The following ZNF536 variants were observed in gnomAD, a reference collection of about 807,000 sequenced individuals.
ZNF536 encodes the protein zinc finger protein 536.
Under a neutral mutation model 84.5 loss-of-function variants are expected in ZNF536, and 13 were observed. That is an observed-to-expected ratio of 0.15 (90% CI 0.10 to 0.24). ZNF536 has a LOEUF of 0.24. Among genes scored for constraint, ZNF536 ranks in the 10% least tolerant of loss-of-function variants. ZNF536 has a pLI of 1.00. For synonymous variants in ZNF536, 811 were observed against 742.5 expected (o/e 1.09, Z -1.50); for missense variants, 1,536 against 1,747.5 (o/e 0.88, Z 2.16).
At chr19:30,348,423 A>G (rs1216201935) in intron 2 of ZNF536, among the ~76,000 whole-genome samples, 1 of 152,124 alleles carries the variant, frequency 6.6e-6, no homozygotes, top group African/African-American at 2.4e-5. Context: ...CCGTGACTGT[A>G]GAATTCAAAT....
intron 1 of ZNF536, among the ~76,000 whole-genome samples, chr19:30,616,286 A>C (rs1405586752): frequency 6.6e-6 from 1 of 152,220 alleles, no homozygotes; most frequent in African/African-American, 2.4e-5. Flanking sequence ...GCATTTCAGC[A>C]TCGAGCATCT....
chr19:30,499,148 T>A (rs1036394474), intron 2 of ZNF536, among the ~76,000 whole-genome samples: 2 of 152,076 alleles, frequency 1.3e-5, no homozygotes, highest in African/African-American at 4.8e-5. Flanking sequence ...AGACCACCTC[T>A]TTTTCCAGAA....
chr19:30,266,260 G>A (rs578242823), intron 1 of ZNF536, among the ~76,000 whole-genome samples: 140 of 152,190 alleles, frequency 9.2e-4, no homozygotes, highest in African/African-American at 3.3e-3. Context: ...TTGTTGCCCA[G>A]GTTGGTCTCA....
rs2052266792 is a variant in ZNF536 at position 30,445,254 on chromosome 19, G to A, written c.1692G>A (p.Arg564=). ...GGGTTCTGTTTGATAAGGAGAAGCG[G>A]GAGTACGTGTTAGTGGGAGCAGATG... ...NAGVLFDKEK[R]EYVLVGADGS... The change falls in exon 2 of 5, where the codon CGG becomes CGA. Residue 564 remains arginine, a synonymous_variant. Coordinates refer to ENST00000355537, the MANE Select transcript of ZNF536 (RefSeq NM_014717.3). This position sits in a 1 kb window ranked among gnomAD's most constrained non-coding sequence, Gnocchi z 4.5. 4 of 1,614,066 alleles carry A rather than the reference G, an allele frequency of 2.5e-6. No homozygotes were observed. Among genetic ancestry groups the A allele is most frequent in the Non-Finnish European group, 3.4e-6 (4 of 1,180,058 alleles).
At chr19:30,606,891 C>T (rs915812922) in intron 1 of ZNF536, among the ~76,000 whole-genome samples, 26 of 151,994 alleles carry the variant, frequency 1.7e-4, no homozygotes, top group African/African-American at 5.8e-4. Context: ...TGTCAATCCT[C>T]GAATCATGGA....
intron 3 of ZNF536, among the ~76,000 whole-genome samples, chr19:30,356,949 T>TCC (rs1351435773): frequency 6.6e-6 from 1 of 152,188 alleles, no homozygotes; most frequent in African/African-American, 2.4e-5. Context: ...AACCTGGTGG[T>TCC]TCGAGCATGG....
intron 2 of ZNF536, among the ~76,000 whole-genome samples, chr19:30,453,358 A>G (rs908864326): frequency 6.6e-6 from 1 of 152,110 alleles, no homozygotes; most frequent in African/African-American, 2.4e-5. Context: ...CCCTCGGTTC[A>G]TCCTCGAGCC....
chr19:30,247,703 C>G (rs1293019765), intron 1 of ZNF536, among the ~76,000 whole-genome samples: 2 of 152,098 alleles, frequency 1.3e-5, no homozygotes, highest in African/African-American at 4.8e-5. Context: ...GTGGTATACA[C>G]CTTTAGTCCC....
intron 2 of ZNF536, among the ~76,000 whole-genome samples, chr19:30,292,375 GC>G (rs1256241986): frequency 3.6e-5 from 5 of 137,270 alleles, no homozygotes; most frequent in Non-Finnish European, 7.8e-5. Flanking sequence ...TTTCACTGTT[GC>G]CCAGGCTTGA....
chr19:30,406,563 A>G (rs1316743783), intron 1 of ZNF536, among the ~76,000 whole-genome samples: 1 of 152,184 alleles, frequency 6.6e-6, no homozygotes, highest in Non-Finnish European at 1.5e-5. Context: ...AGCTCCAAGC[A>G]TTGAGGAAAC....
chr19:30,446,491 C>T (rs914987175), intron 2 of ZNF536, among the ~76,000 whole-genome samples: 2 of 151,950 alleles, frequency 1.3e-5, no homozygotes, highest in African/African-American at 4.8e-5. Flanking sequence ...TCTTTCTCTC[C>T]CCCTTAGCGT....
downstream of ZNF536, among the ~76,000 whole-genome samples, chr19:30,562,357 G>A (rs1339310650): frequency 6.6e-6 from 1 of 152,166 alleles, no homozygotes; most frequent in Admixed American, 6.5e-5. Context: ...TGCCATTCCA[G>A]TGCACGGGCA....
intron 1 of ZNF536, among the ~76,000 whole-genome samples, chr19:30,269,406 C>T (rs149006806): frequency 1.7e-3 from 257 of 152,090 alleles, no homozygotes; most frequent in African/African-American, 4.4e-3. Context: ...GGGAGAGTTA[C>T]GTACAGGCAG....
chr19:30,255,801 T>C (rs2024885841), intron 1 of ZNF536, among the ~76,000 whole-genome samples: 1 of 152,228 alleles, frequency 6.6e-6, no homozygotes, highest in Admixed American at 6.5e-5. Context: ...TTCGTCTGCA[T>C]AGACCCCGTC....
chr19:30,424,628 A>AAC (rs2051132732), intron 1 of ZNF536, among the ~76,000 whole-genome samples: 1 of 152,130 alleles, frequency 6.6e-6, no homozygotes, highest in African/African-American at 2.4e-5. Context: ...ATGCAAAAAA[A>AAC]AATAATAGGG....
At chr19:30,408,567 T>C (rs759816212) in intron 1 of ZNF536, among the ~76,000 whole-genome samples, 12 of 152,302 alleles carry the variant, frequency 7.9e-5, no homozygotes, top group African/African-American at 2.9e-4. Flanking sequence ...TCTCTGCCAA[T>C]TTCAGCAGCT....
intron 2 of ZNF536, among the ~76,000 whole-genome samples, chr19:30,514,480 G>T (rs1035368016): frequency 1.3e-5 from 2 of 151,978 alleles, no homozygotes; most frequent in African/African-American, 4.8e-5. Context: ...GATGAGAAAT[G>T]GTGTGACTGT....
intron 2 of ZNF536, among the ~76,000 whole-genome samples, chr19:30,490,003 A>C (rs2054446391): frequency 6.6e-6 from 1 of 152,354 alleles, no homozygotes; most frequent in South Asian, 2.1e-4. Context: ...ACCAGGGCCA[A>C]GCATGTGCTT....
At chr19:30,359,355 T>C (rs776780006) in intron 3 of ZNF536, among the ~76,000 whole-genome samples, 28 of 152,106 alleles carry the variant, frequency 1.8e-4, no homozygotes, top group Non-Finnish European at 3.7e-4. Flanking sequence ...GTCTGGAGTG[T>C]ATGAGGTGCA....
Sources: allele counts gnomAD v4.1 joint callset (sites outside exome capture counted in the v4.1 genomes callset), GRCh38; gene constraint gnomAD v4.1.1; non-coding constraint Gnocchi (gnomAD v3.1); transcripts MANE v1.5; gene names NCBI Gene and HGNC (gene_info 2026-07-23, HGNC 2026-07-21).